The following MYO5B variants were observed in gnomAD, a reference collection of about 807,000 sequenced individuals.
MYO5B encodes the protein unconventional myosin-Vb.
Under a neutral mutation model 229.3 loss-of-function variants are expected in MYO5B, and 143 were observed. The ratio of observed to expected loss-of-function variants is 0.62; its 90% CI spans 0.54 to 0.72. The LOEUF (loss-of-function observed/expected upper bound fraction) is 0.72, where lower values mean the gene tolerates loss of function less well. Ranked by LOEUF, MYO5B falls within the 30% of genes least tolerant of loss-of-function variation. MYO5B has a pLI of 0.00. For missense variants in MYO5B, 2,321 were observed against 2,331.0 expected, an observed-to-expected ratio of 1.00 and a Z score of 0.09; for synonymous variants, 918 against 885.2, an observed-to-expected ratio of 1.04 and a Z score of -0.66.
At position 49,843,248 on chromosome 18, in the gene MYO5B, A is replaced by T. The variant is rs202232356; in HGVS notation, c.4604T>A (p.Val1535Asp). 2 of 1,613,908 alleles carry T rather than the reference A, an allele frequency of 1.2e-6. No homozygotes were observed. The highest frequency in any genetic ancestry group is 1.7e-6 in the Non-Finnish European group (2 of 1,180,008). The change falls in exon 34 of 40, where the codon GTC (valine) becomes GAC (aspartate). Residue 1535 changes from valine (V) to aspartate (D), a missense_variant. Val to Asp is a radical substitution (Grantham distance 152, BLOSUM62 -3). Coordinates refer to ENST00000285039, the MANE Select transcript of MYO5B (RefSeq NM_001080467.3). ...LTSTINGIKK[V>D]LKKHNDDFEM... ...TCTGCAGGGGCTGCTTACTTTCAGGACTTTCTTAATGCCGTTGATGGTGGA... is the reference window on the plus strand; with the variant it reads ...TCTGCAGGGGCTGCTTACTTTCAGGTCTTTCTTAATGCCGTTGATGGTGGA...
intron 1 of MYO5B, among the ~76,000 whole-genome samples, chr18:50,073,641 G>T (rs1172447535): frequency 6.6e-6 from 1 of 152,130 alleles, no homozygotes; most frequent in Non-Finnish European, 1.5e-5. Context: ...TTCCCACTGA[G>T]ATCTCAACCC....
chr18:49,826,372 T>C lies in MYO5B; in HGVS notation c.*99A>G, dbSNP rs11874243. The C allele has an allele frequency of 1.3e-5, 19 of 1,408,516 alleles. No homozygotes were observed. Among genetic ancestry groups the C allele is most frequent in the Non-Finnish European group, 1.9e-5 (19 of 1,022,100 alleles). The allele number at this position is 1,408,516 out of a possible 1,614,324, so 87.3% of individuals were successfully genotyped here. On this transcript the variant is annotated 3_prime_UTR_variant, in exon 40 of 40. Coordinates refer to ENST00000285039, the MANE Select transcript of MYO5B (RefSeq NM_001080467.3). ...CAGGCTGTCAATCTCTGATTTGATC[T>C]ACTTTTACCAGATTTAACAGATCCT...
chr18:49,986,962 TAA>T (rs1295585692), intron 7 of MYO5B, among the ~76,000 whole-genome samples: 2 of 152,172 alleles, frequency 1.3e-5, no homozygotes, highest in Non-Finnish European at 2.9e-5. Context: ...AAATACAAAC[TAA>T]CTCATCATCA....
chr18:50,014,405 G>C (rs938769758), intron 4 of MYO5B, among the ~76,000 whole-genome samples: 1 of 152,022 alleles, frequency 6.6e-6, no homozygotes, highest in African/African-American at 2.4e-5. Context: ...CCTCAGGCAA[G>C]TTATTTCATT....
In MYO5B at chr18:50,055,338, C is replaced by T. The variant is rs202129020; in HGVS notation, c.68G>A (p.Arg23His). 60 of 1,611,728 alleles carry T rather than the reference C, an allele frequency of 3.7e-5. No homozygotes were observed. In the Middle Eastern group the frequency reaches 6.6e-4, roughly 18 times the overall value. The part of the protein sequence containing the change: ...VWIPDPDEVW[R>H]SAELTKDYKE... The stretch of plus-strand genomic sequence containing the variant: ...GTAGTCCTTGGTTAACTCAGCTGAG[C>T]GCCATACCTCATCAGGGTCAGGGAT... Residue 23 changes from arginine to histidine, a missense_variant, in exon 2 of 40, where the codon CGC (arginine) becomes CAC (histidine). Coordinates refer to ENST00000285039, the MANE Select transcript of MYO5B (RefSeq NM_001080467.3).
intron 1 of MYO5B, among the ~76,000 whole-genome samples, chr18:50,132,004 A>G (rs2032261977): frequency 1.3e-5 from 2 of 152,182 alleles, no homozygotes; most frequent in Admixed American, 1.3e-4. Flanking sequence ...ATTTTTTCCC[A>G]AACAATAATT....
intron 36 of MYO5B, 100 bp from the exon 37 acceptor site, chr18:49,837,902 C>T: frequency 1.4e-6 from 2 of 1,454,470 alleles, no homozygotes; most frequent in Middle Eastern, 2.3e-4. Context: ...AGCAATGATA[C>T]CATCCAGAGG....
chr18:50,001,757 G>T (rs2026049582), intron 4 of MYO5B, among the ~76,000 whole-genome samples: 1 of 151,526 alleles, frequency 6.6e-6, no homozygotes, highest in South Asian at 2.1e-4. Flanking sequence ...CACAGACCAG[G>T]CGTGGTGGCT....
intron 33 of MYO5B, 150 bp downstream of exon 33, chr18:49,846,996 A>T (rs1598828594): frequency 1.1e-6 from 1 of 886,364 alleles, no homozygotes; most frequent in Non-Finnish European, 1.7e-6. Flanking sequence ...GGAGTGGAAG[A>T]TGGGGGCAGG....
chr18:50,069,566 G>A (rs936486654), intron 1 of MYO5B, among the ~76,000 whole-genome samples: 14 of 152,074 alleles, frequency 9.2e-5, no homozygotes, highest in Admixed American at 6.6e-4. Context: ...TGTCCCCGTT[G>A]CCCTCACTCC....
At chr18:49,903,205 G>A (rs2024863504) in intron 20 of MYO5B, among the ~76,000 whole-genome samples, 1 of 151,948 alleles carries the variant, frequency 6.6e-6, no homozygotes, top group African/African-American at 2.4e-5. Context: ...CTGGAAGTGA[G>A]ATACTTCAGT....
intron 12 of MYO5B, among the ~76,000 whole-genome samples, chr18:49,955,700 G>C (rs2025485215): frequency 2.0e-5 from 3 of 152,198 alleles, no homozygotes; most frequent in Admixed American, 6.5e-5. Flanking sequence ...TTCAAGAAAA[G>C]AAAACTATCT....
At chr18:49,966,804 A>C (rs2025630869) in intron 10 of MYO5B, among the ~76,000 whole-genome samples, 1 of 152,192 alleles carries the variant, frequency 6.6e-6, no homozygotes, top group South Asian at 2.1e-4. Context: ...CATCTAGCAT[A>C]ATTACTTAAA....
chr18:49,880,531 T>G, intron 22 of MYO5B, 76 bp from the exon 23 acceptor site: 1 of 1,144,192 alleles, frequency 8.7e-7, no homozygotes, highest in Admixed American at 1.7e-5. Flanking sequence ...GATTTGAATT[T>G]TAACTGGATA....
intron 3 of MYO5B, among the ~76,000 whole-genome samples, chr18:50,037,251 T>TAAA (rs11289681): frequency 6.7e-6 from 1 of 148,650 alleles, no homozygotes. Flanking sequence ...TCACAAATGC[T>TAAA]AAAAAAAAAA....
intron 1 of MYO5B, among the ~76,000 whole-genome samples, chr18:50,169,650 G>A (rs536783512): frequency 7.8e-6 from 1 of 127,874 alleles, no homozygotes; most frequent in East Asian, 2.3e-4. Context: ...ACAAGTGGGT[G>A]TGATGTATAA....
At chr18:50,033,571 G>A (rs1404210473) in intron 4 of MYO5B, among the ~76,000 whole-genome samples, 3 of 152,120 alleles carry the variant, frequency 2.0e-5, no homozygotes, top group Non-Finnish European at 4.4e-5. Context: ...AACATCTGCT[G>A]ATAATGATTT....
chr18:50,123,979 CTT>C (rs1170052685), intron 1 of MYO5B, among the ~76,000 whole-genome samples: 3 of 152,216 alleles, frequency 2.0e-5, no homozygotes, highest in Non-Finnish European at 2.9e-5. Context: ...CTCAGTGAGT[CTT>C]TTGAGTGACT....
intron 25 of MYO5B, among the ~76,000 whole-genome samples, chr18:49,876,674 G>C (rs906957873): frequency 1.3e-5 from 2 of 152,168 alleles, no homozygotes; most frequent in Non-Finnish European, 2.9e-5. Flanking sequence ...GATAAGCCTG[G>C]AGTTGAGGCT....
Sources: gnomAD v4.1 joint callset for allele counts (sites outside exome capture counted in the v4.1 genomes callset) on GRCh38, gnomAD v4.1.1 for gene constraint, MANE v1.5 for transcripts, NCBI Gene and HGNC (gene_info 2026-07-23, HGNC 2026-07-21) for gene names.